Variants in SORCS3 observed in about 807,000 individuals in gnomAD.
SORCS3 encodes VPS10 domain-containing receptor SorCS3.
SORCS3 carries 57 observed loss-of-function variants against 146.3 expected under a neutral mutation model. The observed-to-expected ratio is 0.39, with a 90% CI of 0.31 to 0.49. The LOEUF is 0.49. Ranked by LOEUF, SORCS3 falls within the 20% of genes least tolerant of loss-of-function variation. SORCS3 has a pLI of 0.92. For synonymous variants in SORCS3, 653 were observed against 618.5 expected (o/e 1.06, Z -0.83); for missense variants, 1,341 against 1,575.5 (o/e 0.85, Z 2.52).
At chr10:105,194,470 G>A (rs1339686204) in intron 14 of SORCS3, among the ~76,000 whole-genome samples, 1 of 152,118 alleles carries the variant, frequency 6.6e-6, no homozygotes, top group African/African-American at 2.4e-5. Flanking sequence ...GCTAGCAATG[G>A]GTTTCTGAAA....
intron 13 of SORCS3, among the ~76,000 whole-genome samples, chr10:105,171,412 C>T (rs1413422098): frequency 2.0e-5 from 3 of 152,144 alleles, no homozygotes; most frequent in African/African-American, 4.8e-5. Flanking sequence ...GATGAAAACT[C>T]ACAATCGGCA....
At chr10:105,250,497 G>C (rs1416243865) in intron 22 of SORCS3, among the ~76,000 whole-genome samples, 1 of 152,126 alleles carries the variant, frequency 6.6e-6, no homozygotes, top group African/African-American at 2.4e-5. Context: ...TGGGTTAAAT[G>C]AATCTGTATA....
chr10:105,177,460 T>C (rs1224520552), intron 13 of SORCS3, among the ~76,000 whole-genome samples: 1 of 152,134 alleles, frequency 6.6e-6, no homozygotes, highest in African/African-American at 2.4e-5. Context: ...TACATCTCTT[T>C]AAAGCATTGC....
chr10:105,030,152 T>C (rs761282717), intron 4 of SORCS3, among the ~76,000 whole-genome samples: 10 of 152,234 alleles, frequency 6.6e-5, no homozygotes, highest in African/African-American at 9.6e-5. Flanking sequence ...TAGTTAATGC[T>C]ATGTAACCAT....
intron 3 of SORCS3, among the ~76,000 whole-genome samples, chr10:104,949,154 C>A (rs890237510): frequency 1.3e-5 from 2 of 152,058 alleles, no homozygotes; most frequent in East Asian, 1.9e-4. Flanking sequence ...ACATAATCAC[C>A]ACCCCACTCC....
intron 7 of SORCS3, among the ~76,000 whole-genome samples, chr10:105,113,128 C>T (rs1433642840): frequency 6.6e-6 from 1 of 152,140 alleles, no homozygotes; most frequent in Non-Finnish European, 1.5e-5. Flanking sequence ...AATACTCCTT[C>T]GTTTGACAAA....
At chr10:104,668,101 T>C (rs2015805415) in intron 1 of SORCS3, among the ~76,000 whole-genome samples, 1 of 152,210 alleles carries the variant, frequency 6.6e-6, no homozygotes, top group Non-Finnish European at 1.5e-5. Context: ...CCAACTCAGA[T>C]GAGCACCTTG....
chr10:104,641,908 C>A lies in SORCS3; in HGVS notation c.581C>A (p.Ser194Ter). 6.3e-7 allele frequency: 1 copy of A among 1,597,878 alleles called. No individual in the cohort carries two copies. ...PSTSFALTGD[S>*]AHNQAMVHWS... is the part of the protein sequence containing the mutation. The stretch of plus-strand genomic sequence containing the variant: ...ACCTCCTTCGCGCTGACCGGGGACT[C>A]GGCCCACAACCAAGCCATGGTGCAC... The change falls in exon 1 of 27, where the codon TCG becomes TAG. Residue 194 changes from serine (S) to a stop codon, truncating the protein, a stop_gained. Transcript: ENST00000369701. LOFTEE classifies it high-confidence loss of function. The surrounding 1 kb of genome is among the most constrained non-coding windows in gnomAD (Gnocchi z 6.4).
At chr10:105,178,895 G>A (rs2056425330) in intron 14 of SORCS3, among the ~76,000 whole-genome samples, 1 of 152,198 alleles carries the variant, frequency 6.6e-6, no homozygotes, top group African/African-American at 2.4e-5. Flanking sequence ...TTGCTACAGT[G>A]TGGAGTTGGC....
intron 7 of SORCS3, among the ~76,000 whole-genome samples, chr10:105,128,988 A>G (rs145202770): frequency 1.3e-5 from 2 of 152,308 alleles, no homozygotes; most frequent in South Asian, 2.1e-4. Flanking sequence ...AAAATTGCAC[A>G]TCTAATAAAT....
chr10:104,773,203 G>A (rs918158270), intron 1 of SORCS3, among the ~76,000 whole-genome samples: 1 of 152,154 alleles, frequency 6.6e-6, no homozygotes, highest in African/African-American at 2.4e-5. Flanking sequence ...ACAGGTGCAC[G>A]AGTATCTGAG....
chr10:104,655,149 A>G (rs2015611665), intron 1 of SORCS3, among the ~76,000 whole-genome samples: 1 of 151,474 alleles, frequency 6.6e-6, no homozygotes, highest in African/African-American at 2.4e-5. Context: ...GCTACTTGGG[A>G]GGCTGAGGCA....
intron 1 of SORCS3, among the ~76,000 whole-genome samples, chr10:104,656,883 G>C (rs995055128): frequency 4.6e-5 from 7 of 152,154 alleles, no homozygotes; most frequent in African/African-American, 1.7e-4. Context: ...GTCCACTGAA[G>C]AAATATTTGG....
chr10:105,084,646 A>C (rs1184819356), intron 5 of SORCS3, among the ~76,000 whole-genome samples: 1 of 152,018 alleles, frequency 6.6e-6, no homozygotes, highest in East Asian at 1.9e-4. Context: ...CAGTTCTTGA[A>C]TGCCTATTTG....
chr10:105,262,232 A>G (rs1275079172), intron 25 of SORCS3, 99 bp from the exon 26 acceptor site: 8 of 1,102,048 alleles, frequency 7.3e-6, no homozygotes, highest in South Asian at 7.0e-5. Context: ...GACCCTTCCT[A>G]TTAATAGCTT....
At chr10:105,043,254 G>C (rs1014360760) in intron 5 of SORCS3, 126 bp downstream of exon 5, 8 of 789,906 alleles carry the variant, frequency 1.0e-5, no homozygotes, top group Non-Finnish European at 8.4e-6. Flanking sequence ...GCTACACAGA[G>C]TGGTTTGTAG....
At chr10:105,011,871 G>T (rs553774943) in intron 4 of SORCS3, among the ~76,000 whole-genome samples, 3 of 152,036 alleles carry the variant, frequency 2.0e-5, no homozygotes, top group African/African-American at 7.2e-5. Flanking sequence ...AGCTTCTTAC[G>T]TCTGTAATAT....
chr10:104,948,457 G>A (rs74155070), intron 3 of SORCS3, among the ~76,000 whole-genome samples: 1 of 152,272 alleles, frequency 6.6e-6, no homozygotes, highest in African/African-American at 2.4e-5. Context: ...AATAGAATGA[G>A]GAATTTATCA....
intron 4 of SORCS3, among the ~76,000 whole-genome samples, chr10:105,001,158 T>C (rs1020482600): frequency 6.6e-6 from 1 of 152,118 alleles, no homozygotes; most frequent in African/African-American, 2.4e-5. Flanking sequence ...GCTTTACAGA[T>C]AATGTTGTGA....
Sources: gnomAD v4.1 joint callset for allele counts (sites outside exome capture counted in the v4.1 genomes callset) on GRCh38, gnomAD v4.1.1 for gene constraint, Gnocchi (gnomAD v3.1) non-coding constraint, MANE v1.5 for transcripts, NCBI Gene and HGNC (gene_info 2026-07-23, HGNC 2026-07-21) for gene names.